Variants in PDLIM7 observed in about 807,000 individuals in gnomAD.
The protein encoded by PDLIM7 is PDZ and LIM domain 7.
Under a neutral mutation model 53.9 loss-of-function variants are expected in PDLIM7, and 37 were observed. That is an observed-to-expected ratio of 0.69 (90% CI 0.53 to 0.90). The LOEUF is 0.90. PDLIM7 is among the 40% of genes least tolerant of loss of function. The probability of loss-of-function intolerance (pLI) is 0.00; values close to 1 mark genes in which losing one functional copy is unlikely to be tolerated. For synonymous variants in PDLIM7, 300 were observed against 261.3 expected (o/e 1.15, Z -1.43); for missense variants, 617 against 638.5 (o/e 0.97, Z 0.36).
chr5:177,489,731 C>A (rs1449414159), intron 8 of PDLIM7, 40 bp downstream of exon 8: 2 of 1,495,414 alleles, frequency 1.3e-6, no homozygotes, highest in East Asian at 4.9e-5. Context: ...CCCCTGGAGG[C>A]TGCCCACCCT....
Position 177,491,042 on chromosome 5 carries a change from C to G in PDLIM7, c.503G>C (p.Arg168Pro), listed in dbSNP as rs527582796. ...RPGTGQSRSF[R>P]ILAHLTGTEF... ...GGTGCCTGTGAGGTGGGCAAGGATG[C>G]GGAAGGAACGCGACTGGCCTGTCCC... The change falls in exon 6 of 13, where the codon CGC becomes CCC. Residue 168 changes from arginine to proline, a missense_variant. Physicochemically the swap from Arg to Pro is moderately radical, Grantham distance 103 (BLOSUM62 -2). Transcript: ENST00000355841. 3.1e-6 allele frequency: 5 copies of G among 1,612,488 alleles called. No individual in the cohort carries two copies. Among genetic ancestry groups the G allele is most frequent in the Non-Finnish European group, 4.2e-6 (5 of 1,179,410 alleles).
intron 2 of PDLIM7, among the ~76,000 whole-genome samples, chr5:177,495,291 C>T (rs983134983): frequency 3.3e-5 from 5 of 152,136 alleles, no homozygotes; most frequent in Admixed American, 1.3e-4. Flanking sequence ...CTAACCCCCA[C>T]GCCCAGCTCC....
At chr5:177,486,613 G>T (rs1758453824) in intron 10 of PDLIM7, among the ~76,000 whole-genome samples, 1 of 152,130 alleles carries the variant, frequency 6.6e-6, no homozygotes, top group Non-Finnish European at 1.5e-5. Flanking sequence ...TAGGGCAGGA[G>T]CCCAAGGCTG....
chr5:177,487,566 C>T (rs572115146), intron 10 of PDLIM7, among the ~76,000 whole-genome samples: 1 of 152,376 alleles, frequency 6.6e-6, no homozygotes, highest in African/African-American at 2.4e-5. Context: ...CCAGATCAGT[C>T]CCAGACCACC....
At chr5:177,487,991 G>A in intron 10 of PDLIM7, 77 bp downstream of exon 10, 1 of 1,439,316 alleles carries the variant, frequency 6.9e-7, no homozygotes. Context: ...GGAGAGACCT[G>A]GACTGTGGGT....
chr5:177,489,325 G>A, intron 9 of PDLIM7, 68 bp downstream of exon 9: 26 of 1,213,718 alleles, frequency 2.1e-5, no homozygotes, highest in Non-Finnish European at 2.9e-5. Flanking sequence ...GGCAAGACAG[G>A]TGGGCAGACA....
intron 7 of PDLIM7, chr5:177,490,125 T>G (rs1338072122): frequency 6.6e-7 from 1 of 1,503,960 alleles, no homozygotes; most frequent in South Asian, 1.2e-5. Context: ...AGGGCCCCTT[T>G]GCCAGGTACC....
Position 177,490,750 on chromosome 5 carries a change from GAA to G in PDLIM7, c.572+118_572+119del, listed in dbSNP as rs1470917692. On this transcript the variant is annotated intron_variant, in intron 7 of 12. Transcript: ENST00000355841. ...GGAAGGAAGGAAGGAAGGAAGGAAG[GAA>G]GGAAGGAAGGAAGGGAGAATTGAGA... 5,899 of 981,194 alleles carry G rather than the reference GAA, an allele frequency of 6.0e-3. 160 individuals carry two copies. The highest frequency in any genetic ancestry group is 6.3e-3 in the South Asian group (477 of 75,296). 60.8% of individuals were successfully genotyped at this position (981,194 alleles called of 1,614,324 possible). A position where few individuals can be genotyped will look rare whatever the true frequency, so the allele number is the denominator to read the frequency against.
chr5:177,486,671 C>T (rs566576597), intron 10 of PDLIM7, among the ~76,000 whole-genome samples: 1 of 152,262 alleles, frequency 6.6e-6, no homozygotes, highest in South Asian at 2.1e-4. Context: ...AAGAGTCTCG[C>T]TCTGTCGCCC....
At position 177,484,101 on chromosome 5, in the gene PDLIM7, G is replaced by A. The variant is rs1758317908; in HGVS notation, c.1140C>T (p.Tyr380=). 2 of 1,614,046 alleles carry A rather than the reference G, an allele frequency of 1.2e-6. No individual in the cohort carries two copies. Among genetic ancestry groups the A allele is most frequent in the Non-Finnish European group, 1.7e-6 (2 of 1,180,008 alleles). The part of the protein sequence containing the change: ...CKTPIRNRAF[Y]MEEGVPYCER... ...CGCAATAGGGCACGCCCTCCTCCAT[G>A]TAGAAGGCCCTGTTCCGGATGGGCG... The change falls in exon 11 of 13, where the codon TAC becomes TAT. Residue 380 remains tyrosine (Y), a synonymous_variant. Transcript: ENST00000355841.
chr5:177,486,955 TTTTTTTTTTTTTG>T (rs1325557373), intron 10 of PDLIM7, among the ~76,000 whole-genome samples: 9 of 105,630 alleles, frequency 8.5e-5, no homozygotes, highest in East Asian at 3.6e-4. Flanking sequence ...TTTTTTTTTT[TTTTTTTTTTTTTG>T]CTGTCTCCCA....
intron 2 of PDLIM7, among the ~76,000 whole-genome samples, chr5:177,495,959 G>T (rs890243811): frequency 7.2e-5 from 11 of 152,016 alleles, no homozygotes; most frequent in African/African-American, 2.7e-4. Context: ...CGATGAGCGA[G>T]CCCCGCCACC....
chr5:177,496,567 G>C (rs1418316067), intron 1 of PDLIM7, 44 bp from the exon 2 acceptor site: 5 of 1,354,352 alleles, frequency 3.7e-6, no homozygotes, highest in African/African-American at 1.5e-5. Context: ...ATGGTGGGCG[G>C]GCAGGCAGGC....
In PDLIM7 at chr5:177,496,744, A is replaced by G. The variant is rs542027530; in HGVS notation, c.-11-221T>C. 5.8e-5 allele frequency: 21 copies of G among 362,536 alleles called. No individual in the cohort carries two copies. The East Asian group carries it at 9.4e-4, about 16-fold the overall frequency. The allele number at this position is 362,536 out of a possible 1,614,324, so 22.5% of individuals were successfully genotyped here. ...CAGGAGCAGCCCCCCTCCCCTTGGGACTGGAACGGTGAGGGGTGCCTGAAT... is the reference window on the plus strand; with the variant it reads ...CAGGAGCAGCCCCCCTCCCCTTGGGGCTGGAACGGTGAGGGGTGCCTGAAT... On this transcript the variant is annotated intron_variant, in intron 1 of 12. Transcript: ENST00000355841.
rs747518791 is a variant in PDLIM7 at position 177,492,601 on chromosome 5, G to A, written c.173C>T (p.Ala58Val). ...DWVLSIDGEN[A>V]GSLTHIEAQN... ...AGCTTCGATGTGTGTGAGGCTACCC[G>A]CATTCTCGCCATCGATGCTCAGCAC... Residue 58 changes from alanine (A) to valine (V), a missense_variant, in exon 3 of 13, where the codon GCG (alanine) becomes GTG (valine). By Grantham distance (64) the Ala-to-Val change is moderately conservative. Coordinates refer to ENST00000355841, the MANE Select transcript of PDLIM7 (RefSeq NM_005451.5). 12 of 1,612,900 alleles carry A rather than the reference G, an allele frequency of 7.4e-6. No individual in the cohort carries two copies. In the African/African-American group the frequency reaches 8.0e-5, roughly 11 times the overall value.
intron 10 of PDLIM7, among the ~76,000 whole-genome samples, chr5:177,486,873 C>T (rs1427393575): frequency 4.0e-5 from 6 of 148,352 alleles, no homozygotes; most frequent in South Asian, 4.3e-4. Context: ...CCTCGTGATC[C>T]GCCCATCTCG....
chr5:177,487,562 C>G (rs139258089), intron 10 of PDLIM7, among the ~76,000 whole-genome samples: 346 of 152,386 alleles, frequency 2.3e-3, no homozygotes, highest in African/African-American at 8.0e-3. Context: ...TCCACCAGAT[C>G]AGTCCCAGAC....
chr5:177,492,435 C>T lies in PDLIM7; in HGVS notation c.249G>A (p.Arg83=). ...CGERLSLGLS[R]AQPVQSKPQK... The stretch of plus-strand genomic sequence containing the variant: ...GCGGTTTGCTCTGAACCGGCTGGGC[C>T]CTGGAGGAGAAGGAAAGCGTGACAG... The change falls in exon 4 of 13, where the codon AGG becomes AGA. Residue 83 remains arginine (R), a splice_region_variant and synonymous_variant. Transcript: ENST00000355841. The T allele has an allele frequency of 6.2e-7, 1 of 1,613,588 alleles. No individual in the cohort carries two copies. The highest frequency in any genetic ancestry group is 8.5e-7 in the Non-Finnish European group (1 of 1,179,752).
intron 9 of PDLIM7, among the ~76,000 whole-genome samples, chr5:177,488,640 C>T (rs1365308751): frequency 6.6e-6 from 1 of 152,216 alleles, no homozygotes; most frequent in Non-Finnish European, 1.5e-5. Flanking sequence ...GTAGTCCCAG[C>T]ACTTTGGGAG....
Sources: gnomAD v4.1 joint callset for allele counts (sites outside exome capture counted in the v4.1 genomes callset) on GRCh38, gnomAD v4.1.1 for gene constraint, MANE v1.5 for transcripts, NCBI Gene and HGNC (gene_info 2026-07-23, HGNC 2026-07-21) for gene names.